CLSTN2: variants seen among roughly 807,000 people sequenced by gnomAD.
The protein encoded by CLSTN2 is calsyntenin-2.
Under a neutral mutation model 101.2 loss-of-function variants are expected in CLSTN2, and 48 were observed. That is an observed-to-expected ratio of 0.47 (90% CI 0.38 to 0.60). CLSTN2 has a LOEUF of 0.60. CLSTN2 is among the 20% of genes least tolerant of loss of function. The pLI, the probability that CLSTN2 is intolerant of heterozygous loss-of-function variation, is 0.00. For synonymous variants in CLSTN2, 481 were observed against 463.6 expected, an observed-to-expected ratio of 1.04 and a Z score of -0.48; for missense variants, 1,160 against 1,238.2, an observed-to-expected ratio of 0.94 and a Z score of 0.95.
chr3:140,238,191 G>A (rs114424465), intron 2 of CLSTN2, among the ~76,000 whole-genome samples: 2,796 of 152,218 alleles, frequency 0.018, 81 homozygotes, highest in African/African-American at 0.064. Flanking sequence ...ACCCTTTGGG[G>A]CCACAGGATA....
chr3:140,138,196 C>T (rs1047584329), intron 1 of CLSTN2, among the ~76,000 whole-genome samples: 2 of 152,156 alleles, frequency 1.3e-5, no homozygotes, highest in African/African-American at 4.8e-5. Context: ...AAAAGTACCC[C>T]AAATGACAGC....
At chr3:140,335,078 T>C (rs1000896584) in intron 2 of CLSTN2, among the ~76,000 whole-genome samples, 1 of 152,160 alleles carries the variant, frequency 6.6e-6, no homozygotes, top group African/African-American at 2.4e-5. Flanking sequence ...AGACATTTCT[T>C]TGGCTGAAGG....
intron 1 of CLSTN2, among the ~76,000 whole-genome samples, chr3:139,967,658 A>G (rs1369375947): frequency 6.6e-6 from 1 of 152,182 alleles, no homozygotes; most frequent in Non-Finnish European, 1.5e-5. Context: ...CTCCTGTTTT[A>G]GAAAAGGCTG....
At chr3:140,519,195 C>T (rs1479530059) in intron 8 of CLSTN2, among the ~76,000 whole-genome samples, 5 of 152,102 alleles carry the variant, frequency 3.3e-5, no homozygotes, top group African/African-American at 4.8e-5. Flanking sequence ...TCTGAGAGAC[C>T]GTTTGCTATG....
At chr3:140,248,970 A>G (rs935093952) in intron 2 of CLSTN2, among the ~76,000 whole-genome samples, 1 of 152,202 alleles carries the variant, frequency 6.6e-6, no homozygotes, top group African/African-American at 2.4e-5. Context: ...TAGCACTGAC[A>G]CATTGGAAAT....
At chr3:140,012,645 G>C (rs149481092) in intron 1 of CLSTN2, among the ~76,000 whole-genome samples, 1 of 152,144 alleles carries the variant, frequency 6.6e-6, no homozygotes, top group Non-Finnish European at 1.5e-5. Context: ...GCATCTCATC[G>C]ACTCTCCCAG....
At chr3:140,288,674 C>T (rs924940887) in intron 2 of CLSTN2, among the ~76,000 whole-genome samples, 3 of 152,296 alleles carry the variant, frequency 2.0e-5, no homozygotes, top group African/African-American at 4.8e-5. Context: ...TCCTGCTTCC[C>T]ACCAACACCA....
intron 8 of CLSTN2, among the ~76,000 whole-genome samples, chr3:140,492,829 G>A (rs758432390): frequency 2.3e-4 from 35 of 152,252 alleles, no homozygotes; most frequent in Non-Finnish European, 4.9e-4. Flanking sequence ...TTGGATGGAT[G>A]GATGGATGGA....
intron 9 of CLSTN2, among the ~76,000 whole-genome samples, chr3:140,542,937 G>T (rs990836818): frequency 1.3e-5 from 2 of 152,176 alleles, no homozygotes; most frequent in Non-Finnish European, 2.9e-5. Context: ...ATGGATGGAT[G>T]TACTCACACT....
Position 140,107,983 on chromosome 3 carries a change from G to A in CLSTN2, c.110-67968G>A, listed in dbSNP as rs554726257. ...AATTTGGGACCTTGATCTGAGCCGA[G>A]TCCATTGTTCTCGTGCCATTGTGCC... On this transcript the variant is annotated intron_variant, in intron 1 of 16. Transcript: ENST00000458420. Among the ~76,000 whole-genome samples, 8 of 152,318 alleles carry A rather than the reference G, an allele frequency of 5.3e-5. No individual in the cohort carries two copies. In the East Asian group the frequency reaches 1.4e-3, roughly 26 times the overall value.
At chr3:139,969,718 C>T (rs1039022677) in intron 1 of CLSTN2, among the ~76,000 whole-genome samples, 2 of 152,180 alleles carry the variant, frequency 1.3e-5, no homozygotes, top group Non-Finnish European at 2.9e-5. Context: ...ACCTATAACA[C>T]CTCCCACCAC....
intron 1 of CLSTN2, among the ~76,000 whole-genome samples, chr3:140,166,196 G>T (rs1175597175): frequency 2.0e-5 from 3 of 152,194 alleles, no homozygotes; most frequent in Non-Finnish European, 4.4e-5. Context: ...TGCCAAATGA[G>T]CTCTAGTTTC....
intron 5 of CLSTN2, among the ~76,000 whole-genome samples, chr3:140,431,243 A>G (rs2088625292): frequency 6.6e-6 from 1 of 152,190 alleles, no homozygotes; most frequent in South Asian, 2.1e-4. Flanking sequence ...AAATAAACCC[A>G]GGCTTGAAGA....
At chr3:140,108,618 C>A (rs972734696) in intron 1 of CLSTN2, among the ~76,000 whole-genome samples, 2 of 152,136 alleles carry the variant, frequency 1.3e-5, no homozygotes, top group Non-Finnish European at 2.9e-5. Context: ...ACTCCAGTCT[C>A]AAATTCACAG....
chr3:140,043,984 G>T (rs544611111), intron 1 of CLSTN2, among the ~76,000 whole-genome samples: 2 of 152,122 alleles, frequency 1.3e-5, no homozygotes, highest in African/African-American at 4.8e-5. Flanking sequence ...ATTCTTTTGG[G>T]TTAGGATTGT....
At chr3:140,058,342 G>T (rs952224419) in intron 1 of CLSTN2, among the ~76,000 whole-genome samples, 8 of 152,164 alleles carry the variant, frequency 5.3e-5, no homozygotes, top group Non-Finnish European at 8.8e-5. Context: ...GGCTTTGATA[G>T]GTCACCAGGA....
chr3:140,153,716 G>T (rs1384998554), intron 1 of CLSTN2, among the ~76,000 whole-genome samples: 1 of 152,236 alleles, frequency 6.6e-6, no homozygotes, highest in Non-Finnish European at 1.5e-5. Context: ...AATAATGAGA[G>T]CCTTGATGTG....
chr3:140,236,824 A>AGTGTGTGTGTGT (rs548988567), intron 2 of CLSTN2, among the ~76,000 whole-genome samples: 37 of 125,726 alleles, frequency 2.9e-4, no homozygotes, highest in African/African-American at 4.6e-4. Context: ...TATGTTATAT[A>AGTGTGTGTGTGT]GTGTGTGTGT....
chr3:140,231,001 G>C (rs58535926), intron 2 of CLSTN2, among the ~76,000 whole-genome samples: 6,049 of 152,126 alleles, frequency 0.04, 367 homozygotes, highest in African/African-American at 0.14. Flanking sequence ...TCTCAAACTT[G>C]GTTTTTAAGC....
Sources: allele counts gnomAD v4.1 joint callset (sites outside exome capture counted in the v4.1 genomes callset), GRCh38; gene constraint gnomAD v4.1.1; transcripts MANE v1.5; gene names NCBI Gene and HGNC (gene_info 2026-07-23, HGNC 2026-07-21).